The following TBCK variants were observed in gnomAD, a reference collection of about 807,000 sequenced individuals.
The protein encoded by TBCK is TBC1 domain containing kinase, also known as TBC domain-containing protein kinase-like protein.
Under a neutral mutation model 113.4 loss-of-function variants are expected in TBCK, and 99 were observed. The observed-to-expected ratio is 0.87, with a 90% CI of 0.74 to 1.03. The LOEUF is 1.03. TBCK is among the 50% of genes least tolerant of loss of function. The probability of loss-of-function intolerance (pLI) is 0.00; values close to 1 mark genes in which losing one functional copy is unlikely to be tolerated. For synonymous variants in TBCK, 369 were observed against 370.8 expected (o/e 1.00, Z 0.05); for missense variants, 1,045 against 1,061.3 (o/e 0.98, Z 0.21).
At chr4:106,259,977 T>C (rs1400947769) in intron 5 of TBCK, among the ~76,000 whole-genome samples, 1 of 151,956 alleles carries the variant, frequency 6.6e-6, no homozygotes. Context: ...AATTTATCTC[T>C]ATCTCTAATA....
At chr4:106,183,014 T>C (rs1352942545) in intron 22 of TBCK, among the ~76,000 whole-genome samples, 3 of 152,220 alleles carry the variant, frequency 2.0e-5, no homozygotes, top group African/African-American at 7.2e-5. Flanking sequence ...GAATACAGCA[T>C]AGAATGTTAT....
chr4:106,054,491 G>A (rs1405530794), intron 25 of TBCK, among the ~76,000 whole-genome samples: 2 of 151,474 alleles, frequency 1.3e-5, no homozygotes, highest in African/African-American at 2.4e-5. Context: ...CTTTTTCCTC[G>A]TGTTAACCTT....
intron 1 of TBCK, among the ~76,000 whole-genome samples, chr4:106,312,593 C>T (rs1768320196): frequency 6.6e-6 from 1 of 152,038 alleles, no homozygotes; most frequent in South Asian, 2.1e-4. Context: ...AGAAATTCCA[C>T]TCTTTAACCA....
intron 23 of TBCK, among the ~76,000 whole-genome samples, chr4:106,120,484 T>G: frequency 6.6e-6 from 1 of 152,192 alleles, no homozygotes; most frequent in Non-Finnish European, 1.5e-5. Flanking sequence ...GAGGCCTGCC[T>G]GCCTCTGTAG....
intron 25 of TBCK, among the ~76,000 whole-genome samples, chr4:106,061,199 A>T (rs1323456573): frequency 6.6e-6 from 1 of 151,850 alleles, no homozygotes; most frequent in Non-Finnish European, 1.5e-5. Flanking sequence ...TTCTGTGAGT[A>T]AAATGCTGTT....
In TBCK at chr4:106,251,983, C is replaced by T; in HGVS notation, c.480G>A (p.Glu160=). Residue 160 remains glutamate (E), a synonymous_variant, in exon 6 of 26, where the codon GAG becomes GAA. Coordinates refer to ENST00000394708, the MANE Select transcript of TBCK (RefSeq NM_001163435.3). ...TTTTGAAAATTCCCTGTGCAATTACCTCAGGGGCCAAGTACGAGGGATACC... is the reference window on the plus strand; with the variant it reads ...TTTTGAAAATTCCCTGTGCAATTACTTCAGGGGCCAAGTACGAGGGATACC... ...PIGYPSYLAP[E]VIAQGIFKTT... 10 of 1,610,106 alleles carry T rather than the reference C, an allele frequency of 6.2e-6. No homozygotes were observed. Among genetic ancestry groups the T allele is most frequent in the Non-Finnish European group, 8.5e-6 (10 of 1,177,778 alleles).
chr4:106,221,745 T>C (rs72891668), intron 19 of TBCK, among the ~76,000 whole-genome samples: 4,076 of 151,914 alleles, frequency 0.027, 177 homozygotes, highest in African/African-American at 0.094. Context: ...AAGGAGACAT[T>C]AAAATATTGT....
intron 22 of TBCK, chr4:106,182,276 G>T (rs759695471): frequency 1.3e-5 from 2 of 152,140 alleles, no homozygotes; most frequent in South Asian, 2.1e-4. Context: ...GGGCTGAGAT[G>T]ATGGGGTTTT....
intron 20 of TBCK, among the ~76,000 whole-genome samples, chr4:106,197,386 A>AGTGT (rs70941239): frequency 0.08 from 9,496 of 118,752 alleles, 414 homozygotes; most frequent in African/African-American, 0.092. Context: ...AACATATCTG[A>AGTGT]GTGTGTGTGT....
chr4:106,260,325 A>C (rs1448332152), intron 5 of TBCK, 112 bp downstream of exon 5: 2 of 438,732 alleles, frequency 4.6e-6, no homozygotes, highest in Non-Finnish European at 7.8e-6. Context: ...TAATTTTAAA[A>C]AAGCTGTTTG....
chr4:106,252,662 A>G (rs1311363490), intron 5 of TBCK, among the ~76,000 whole-genome samples: 1 of 152,150 alleles, frequency 6.6e-6, no homozygotes, highest in Non-Finnish European at 1.5e-5. Context: ...TTGATGAAAC[A>G]AAAACATTTT....
chr4:106,193,993 C>A (rs1052672865), intron 21 of TBCK, among the ~76,000 whole-genome samples: 1 of 151,984 alleles, frequency 6.6e-6, no homozygotes, highest in African/African-American at 2.4e-5. Context: ...ATATTTTTAA[C>A]CCTATTAACC....
At chr4:106,197,617 T>C (rs1386509103) in intron 20 of TBCK, among the ~76,000 whole-genome samples, 3 of 151,836 alleles carry the variant, frequency 2.0e-5, no homozygotes, top group Non-Finnish European at 4.4e-5. Flanking sequence ...CAGAAGAGCA[T>C]TGCTTTAGTA....
intron 3 of TBCK, among the ~76,000 whole-genome samples, chr4:106,265,616 G>A (rs902804740): frequency 1.3e-5 from 2 of 151,566 alleles, no homozygotes; most frequent in Non-Finnish European, 3.0e-5. Context: ...TTTCTATTAT[G>A]TCCTCTAGTT....
At chr4:106,115,491 G>A (rs62321368) in intron 24 of TBCK, among the ~76,000 whole-genome samples, 1,800 of 152,120 alleles carry the variant, frequency 0.012, 14 homozygotes, top group Non-Finnish European at 0.019. Context: ...AACTTATGAA[G>A]CAAATTAGTT....
intron 25 of TBCK, among the ~76,000 whole-genome samples, chr4:106,062,427 C>A (rs1027362454): frequency 6.6e-6 from 1 of 151,846 alleles, no homozygotes. Context: ...ATTTCAGCAA[C>A]AAGCATTTAT....
At chr4:106,075,381 C>T (rs904232510) in intron 25 of TBCK, among the ~76,000 whole-genome samples, 2 of 151,998 alleles carry the variant, frequency 1.3e-5, no homozygotes, top group Non-Finnish European at 2.9e-5. Context: ...GTATGGAGGA[C>T]GTGAAGAAGA....
At chr4:106,292,036 C>G (rs931940108) in intron 3 of TBCK, among the ~76,000 whole-genome samples, 1 of 152,118 alleles carries the variant, frequency 6.6e-6, no homozygotes, top group Non-Finnish European at 1.5e-5. Context: ...CAGAACTATT[C>G]AAGTCTTTGA....
chr4:106,129,085 A>T (rs1745563832), intron 23 of TBCK, among the ~76,000 whole-genome samples: 1 of 152,210 alleles, frequency 6.6e-6, no homozygotes, highest in Non-Finnish European at 1.5e-5. Context: ...ACTGGAAGAA[A>T]GTAAAACTGT....
Sources: allele counts gnomAD v4.1 joint callset (sites outside exome capture counted in the v4.1 genomes callset), GRCh38; gene constraint gnomAD v4.1.1; transcripts MANE v1.5; gene names NCBI Gene and HGNC (gene_info 2026-07-23, HGNC 2026-07-21).